The following CORO2B variants were observed in gnomAD, a reference collection of about 807,000 sequenced individuals.
CORO2B encodes the protein coronin 2B.
In CORO2B, 26 loss-of-function variants were observed where a neutral mutation model predicts 58.8. The observed-to-expected ratio is 0.44, with a 90% confidence interval of 0.32 to 0.61. The LOEUF (loss-of-function observed/expected upper bound fraction) is 0.61. Among genes scored for constraint, CORO2B ranks in the 20% least tolerant of loss-of-function variants. The probability of loss-of-function intolerance (pLI) is 0.04; values close to 1 mark genes in which losing one functional copy is unlikely to be tolerated. For missense variants in CORO2B, 460 were observed against 645.1 expected, an observed-to-expected ratio of 0.71 and a Z score of 3.11; for synonymous variants, 242 against 253.8, an observed-to-expected ratio of 0.95 and a Z score of 0.44.
At chr15:68,696,452 G>T (rs1892512733) in intron 3 of CORO2B, among the ~76,000 whole-genome samples, 1 of 151,430 alleles carries the variant, frequency 6.6e-6, no homozygotes, top group African/African-American at 2.4e-5. Flanking sequence ...GGAAGGCTGA[G>T]GCAGGAGAAT....
At chr15:68,522,879 C>G in the CORO2B span, among the ~76,000 whole-genome samples, 1 of 152,086 alleles carries the variant, frequency 6.6e-6, no homozygotes, top group African/African-American at 2.4e-5. Context: ...GGTCTTGTAA[C>G]TTGGAATACT....
chr15:68,560,246 CTCTT>C, the CORO2B span, among the ~76,000 whole-genome samples: 4 of 152,172 alleles, frequency 2.6e-5, no homozygotes, highest in Non-Finnish European at 4.4e-5. Flanking sequence ...TCCTTTCTTT[CTCTT>C]TCTTTTTTCT....
the CORO2B span, among the ~76,000 whole-genome samples, chr15:68,521,807 C>T: frequency 6.6e-6 from 1 of 150,708 alleles, no homozygotes; most frequent in Non-Finnish European, 1.5e-5. Flanking sequence ...TGGAGTGCAG[C>T]AGTGGCTCAC....
chr15:68,589,586 A>C (rs1179461999), intron 1 of CORO2B, among the ~76,000 whole-genome samples: 1 of 152,222 alleles, frequency 6.6e-6, no homozygotes. Flanking sequence ...TATAGGAAAG[A>C]TGTGGCTGAG....
intron 1 of CORO2B, among the ~76,000 whole-genome samples, chr15:68,613,588 G>A (rs911327786): frequency 1.3e-5 from 2 of 152,150 alleles, no homozygotes; most frequent in Non-Finnish European, 2.9e-5. Flanking sequence ...AACCAATGAC[G>A]CACAATGCCA....
chr15:68,542,869 GCC>G, the CORO2B span, among the ~76,000 whole-genome samples: 1 of 152,266 alleles, frequency 6.6e-6, no homozygotes, highest in African/African-American at 2.4e-5. Flanking sequence ...CCTAGTGTCT[GCC>G]CATGTGGCAT....
At chr15:68,546,195 C>T in the CORO2B span, among the ~76,000 whole-genome samples, 26 of 152,252 alleles carry the variant, frequency 1.7e-4, 1 homozygote, top group Middle Eastern at 3.4e-3. Flanking sequence ...CGAGGTTGAC[C>T]GGACAAGGGA....
intron 10 of CORO2B, 34 bp from the exon 11 acceptor site, chr15:68,719,379 T>C: frequency 6.2e-7 from 1 of 1,610,824 alleles, no homozygotes; most frequent in Non-Finnish European, 8.5e-7. Flanking sequence ...GTCCATGGGA[T>C]CGTCAGTGAG....
At chr15:68,682,327 G>A (rs1021758000) in intron 2 of CORO2B, among the ~76,000 whole-genome samples, 2 of 152,194 alleles carry the variant, frequency 1.3e-5, no homozygotes, top group Admixed American at 6.5e-5. Flanking sequence ...TTAGAAGACT[G>A]GAGTGCCTCA....
At chr15:68,721,137 C>T (rs916664844) in intron 11 of CORO2B, among the ~76,000 whole-genome samples, 1 of 151,828 alleles carries the variant, frequency 6.6e-6, no homozygotes, top group Non-Finnish European at 1.5e-5. Context: ...CTGCCTCGGC[C>T]TCCCAAAGTG....
At chr15:68,684,830 G>A (rs8033783) in intron 2 of CORO2B, among the ~76,000 whole-genome samples, 3,591 of 152,292 alleles carry the variant, frequency 0.024, 147 homozygotes, top group African/African-American at 0.079. Context: ...GGGAGCCTGG[G>A]ACACAGGGAG....
At chr15:68,591,810 A>G (rs1180108278) in intron 1 of CORO2B, among the ~76,000 whole-genome samples, 5 of 152,176 alleles carry the variant, frequency 3.3e-5, no homozygotes, top group African/African-American at 1.2e-4. Context: ...GGTTGAGAAC[A>G]TAGGAGGGGG....
At chr15:68,577,183 T>C (rs1254881703), upstream of CORO2B, among the ~76,000 whole-genome samples, 1 of 152,156 alleles carries the variant, frequency 6.6e-6, no homozygotes, top group African/African-American at 2.4e-5. Context: ...AATAGCTGCC[T>C]ACCTATGTCC....
intron 1 of CORO2B, among the ~76,000 whole-genome samples, chr15:68,620,449 C>T (rs1900485616): frequency 6.6e-6 from 1 of 152,310 alleles, no homozygotes; most frequent in African/African-American, 2.4e-5. Context: ...TTCCATTCAA[C>T]CTCTTGTTTG....
chr15:68,586,648 G>C (rs144413570), intron 1 of CORO2B, among the ~76,000 whole-genome samples: 19 of 152,328 alleles, frequency 1.2e-4, no homozygotes, highest in Middle Eastern at 3.4e-3. Context: ...ACCTGTAAAA[G>C]GTGGCCCAGT....
At position 68,719,407 on chromosome 15, in the gene CORO2B, C is replaced by T. The variant is rs750388056; in HGVS notation, c.1172-6C>T. 2.9e-5 allele frequency: 47 copies of T among 1,613,130 alleles called. No individual in the cohort carries two copies. The highest frequency in any genetic ancestry group is 7.6e-6 in the Non-Finnish European group (9 of 1,179,652). Reference sequence around the variant, plus strand: ...TCAGTGAGAGCGTTTCCCTTGCCTTCTTTAGATCCCGTGCTGATGTCTTTG... The same window carrying T: ...TCAGTGAGAGCGTTTCCCTTGCCTTTTTTAGATCCCGTGCTGATGTCTTTG... On this transcript the variant is annotated splice_region_variant and splice_polypyrimidine_tract_variant and intron_variant, in intron 10 of 11. Transcript: ENST00000261861.
chr15:68,703,031 T>C (rs1892693386), intron 3 of CORO2B, among the ~76,000 whole-genome samples: 1 of 151,328 alleles, frequency 6.6e-6, no homozygotes, highest in Non-Finnish European at 1.5e-5. Context: ...TTCACCATGT[T>C]GGCCAGGCTG....
chr15:68,616,661 T>A, intron 1 of CORO2B: 1 of 966,678 alleles, frequency 1.0e-6, no homozygotes, highest in Non-Finnish European at 1.2e-6. Flanking sequence ...AAGCAGGCAA[T>A]CCCATGTCAT....
At chr15:68,552,437 T>C in the CORO2B span, among the ~76,000 whole-genome samples, 1 of 115,412 alleles carries the variant, frequency 8.7e-6, no homozygotes, top group African/African-American at 3.4e-5. Flanking sequence ...GGCATAAAAC[T>C]CCCAAGGGGC....
Sources: gnomAD v4.1 joint callset for allele counts (sites outside exome capture counted in the v4.1 genomes callset) on GRCh38, gnomAD v4.1.1 for gene constraint, MANE v1.5 for transcripts, NCBI Gene and HGNC (gene_info 2026-07-23, HGNC 2026-07-21) for gene names.